Variants in TM9SF4 observed in about 807,000 individuals in gnomAD.
The protein encoded by TM9SF4 is dinucleotide oxidase disulfide thiol exchanger 3 superfamily member 4.
In TM9SF4, 26 loss-of-function variants were observed where a neutral mutation model predicts 90.4. The observed-to-expected ratio is 0.29, with a 90% CI of 0.21 to 0.40. TM9SF4 has a LOEUF of 0.40. Among genes scored for constraint, TM9SF4 ranks in the 10% least tolerant of loss-of-function variants. The pLI, the probability that TM9SF4 is intolerant of heterozygous loss-of-function variation, is 1.00. For missense variants in TM9SF4, 549 were observed against 834.8 expected (o/e 0.66, Z 4.22); for synonymous variants, 293 against 315.4 (o/e 0.93, Z 0.75).
intron 1 of TM9SF4, among the ~76,000 whole-genome samples, chr20:32,114,908 G>T (rs1194010142): frequency 6.6e-6 from 1 of 152,238 alleles, no homozygotes; most frequent in African/African-American, 2.4e-5. Context: ...CATATGTCAT[G>T]TGTGAAATTA....
intron 13 of TM9SF4, among the ~76,000 whole-genome samples, chr20:32,157,296 C>T (rs2046940109): frequency 6.6e-6 from 1 of 152,126 alleles, no homozygotes; most frequent in Non-Finnish European, 1.5e-5. Context: ...TCCACAGATG[C>T]AGAACCCATG....
intron 17 of TM9SF4, among the ~76,000 whole-genome samples, chr20:32,163,260 A>AT (rs1312915336): frequency 4.8e-5 from 5 of 104,514 alleles, no homozygotes; most frequent in African/African-American, 2.0e-4. Flanking sequence ...AAAAAAAAAA[A>AT]AAAAAAAAAT....
intron 8 of TM9SF4, among the ~76,000 whole-genome samples, chr20:32,146,009 G>A (rs1206096848): frequency 6.6e-6 from 1 of 152,206 alleles, no homozygotes; most frequent in African/African-American, 2.4e-5. Flanking sequence ...GCAAGAAACC[G>A]GGTGGTGAGA....
intron 9 of TM9SF4, among the ~76,000 whole-genome samples, chr20:32,147,853 C>CA (rs1198843952): frequency 9.5e-6 from 1 of 105,574 alleles, no homozygotes; most frequent in Non-Finnish European, 2.0e-5. Context: ...ACTCTGTCTC[C>CA]AAAGGAAAAA....
intron 16 of TM9SF4, among the ~76,000 whole-genome samples, chr20:32,160,765 A>G (rs954636358): frequency 6.6e-6 from 1 of 151,998 alleles, no homozygotes; most frequent in Non-Finnish European, 1.5e-5. Context: ...CCTGGCTAAC[A>G]TGGTGAAACC....
chr20:32,152,357 C>A (rs769404096), intron 12 of TM9SF4, among the ~76,000 whole-genome samples: 1 of 150,938 alleles, frequency 6.6e-6, no homozygotes, highest in Non-Finnish European at 1.5e-5. Flanking sequence ...TCCCCCAAAC[C>A]ACCCCTTGCA....
intron 1 of TM9SF4, among the ~76,000 whole-genome samples, chr20:32,129,597 A>ATTT (rs34093111): frequency 1.4e-5 from 2 of 139,654 alleles, no homozygotes; most frequent in Non-Finnish European, 3.1e-5. Flanking sequence ...TAAGTAGTGA[A>ATTT]TTTTTTTTTT....
At chr20:32,149,831 G>A (rs2046816449) in intron 10 of TM9SF4, 65 bp downstream of exon 10, 2 of 1,595,100 alleles carry the variant, frequency 1.3e-6, no homozygotes, top group East Asian at 4.5e-5. Context: ...CTCAAGGAGA[G>A]AAGGGTGGGC....
intron 15 of TM9SF4, 37 bp downstream of exon 15, chr20:32,158,551 C>T: frequency 6.2e-7 from 1 of 1,604,078 alleles, no homozygotes; most frequent in Non-Finnish European, 8.5e-7. Context: ...TCCACCCATG[C>T]TAGCCGGGTC....
At position 32,160,007 on chromosome 20, in the gene TM9SF4, C is replaced by G. The variant is rs1347673576; in HGVS notation, c.1585C>G (p.Gln529Glu). ...GTGTCCACAGGCTATCTGGGAGAAT[C>G]AGTTCTATTACCTCTTTGGCTTCCT... ...FFIFSAIWEN[Q>E]FYYLFGFLFL... Residue 529 changes from glutamine to glutamate, a missense_variant, in exon 16 of 18, where the codon CAG becomes GAG. Gln to Glu is a conservative substitution (Grantham distance 29). Transcript: ENST00000398022. The G allele has an allele frequency of 1.2e-6, 2 of 1,614,234 alleles. No individual in the cohort carries two copies. Among genetic ancestry groups the G allele is most frequent in the Admixed American group, 1.7e-5 (1 of 60,026 alleles).
At chr20:32,165,214 A>G in intron 17 of TM9SF4, 81 bp from the exon 18 acceptor site, 3 of 1,576,378 alleles carry the variant, frequency 1.9e-6, no homozygotes, top group Non-Finnish European at 2.6e-6. Flanking sequence ...TCCCCATGAT[A>G]TCAGTGAGAG....
chr20:32,155,006 CAAG>C (rs2046897699), intron 12 of TM9SF4, 94 bp from the exon 13 acceptor site: 1 of 858,988 alleles, frequency 1.2e-6, no homozygotes, highest in Non-Finnish European at 2.0e-6. Flanking sequence ...GTCTGAAAGA[CAAG>C]GAGGGCTTAA....
At chr20:32,121,294 A>G (rs2046303052) in intron 1 of TM9SF4, among the ~76,000 whole-genome samples, 1 of 150,904 alleles carries the variant, frequency 6.6e-6, no homozygotes, top group Non-Finnish European at 1.5e-5. Context: ...AGGGAAGGTC[A>G]GCAGATAAAC....
intron 15 of TM9SF4, 99 bp from the exon 16 acceptor site, chr20:32,159,893 A>G: frequency 6.5e-7 from 1 of 1,541,748 alleles, no homozygotes; most frequent in Non-Finnish European, 8.9e-7. Flanking sequence ...TGATGGTGTC[A>G]TGATGATGTG....
rs745653622 is a variant in TM9SF4, at chr20:32,143,061, G to T, written c.608G>T (p.Arg203Leu). 2 of 1,613,786 alleles carry T rather than the reference G, an allele frequency of 1.2e-6. No homozygotes were observed. The highest frequency in any genetic ancestry group is 1.7e-6 in the Non-Finnish European group (2 of 1,179,796). The change falls in exon 6 of 18, where the codon CGT becomes CTT. Residue 203 changes from arginine (R) to leucine (L), a missense_variant. Around this residue, in one of 2 missense-constraint regions of TM9SF4, gnomAD observed 495 missense variants for 711.7 expected, o/e 0.70. Coordinates refer to ENST00000398022, the MANE Select transcript of TM9SF4 (RefSeq NM_014742.4). ...GAAGAGGACCAGGAGCACACGTACC[G>T]TGTCGTCCGCTTCGAGGTGATTCCC... is the stretch of plus-strand genomic sequence containing the variant. Reference protein sequence around the residue: ...DMEEDQEHTYRVVRFEVIPQS... With the variant: ...DMEEDQEHTYLVVRFEVIPQS...
At chr20:32,133,200 G>T (rs1310360636) in intron 2 of TM9SF4, 74 bp downstream of exon 2, 7 of 1,379,292 alleles carry the variant, frequency 5.1e-6, no homozygotes, top group Non-Finnish European at 7.1e-6. Context: ...AGCTGTTCGT[G>T]TCCATCCTGT....
chr20:32,151,936 A>G (rs1294613239), intron 12 of TM9SF4, among the ~76,000 whole-genome samples: 2 of 150,224 alleles, frequency 1.3e-5, no homozygotes, highest in Non-Finnish European at 3.0e-5. Flanking sequence ...ATCTTGGCTC[A>G]CTGCAAGCTC....
At chr20:32,112,041 G>A (rs1480229374) in intron 1 of TM9SF4, among the ~76,000 whole-genome samples, 1 of 152,194 alleles carries the variant, frequency 6.6e-6, no homozygotes, top group Admixed American at 6.5e-5. Context: ...AGTACTTGAA[G>A]GGAGCCAGCT....
At chr20:32,152,283 GGA>G (rs1446239778) in intron 12 of TM9SF4, among the ~76,000 whole-genome samples, 2 of 151,612 alleles carry the variant, frequency 1.3e-5, no homozygotes, top group Non-Finnish European at 2.9e-5. Flanking sequence ...ATTCTTCCCT[GGA>G]GAGGTCACCA....
Sources: gnomAD v4.1 joint callset for allele counts (sites outside exome capture counted in the v4.1 genomes callset) on GRCh38, gnomAD v4.1.1 for gene constraint, gnomAD v4.1.1 regional missense constraint, MANE v1.5 for transcripts, NCBI Gene and HGNC (gene_info 2026-07-23, HGNC 2026-07-21) for gene names.